The following MMP26 variants were observed in gnomAD, a reference collection of about 807,000 sequenced individuals.
MMP26 encodes matrix metalloproteinase-26.
MMP26 carries 33 observed loss-of-function variants against 31.0 expected under a neutral mutation model. The ratio of observed to expected loss-of-function variants is 1.06; its 90% CI spans 0.81 to 1.42. MMP26 has a LOEUF of 1.42. Among genes scored for constraint, MMP26 ranks in the 40% most tolerant of loss-of-function variants. The probability of loss-of-function intolerance (pLI) is 0.00; values close to 1 mark genes in which losing one functional copy is unlikely to be tolerated. For synonymous variants in MMP26, 122 were observed against 114.9 expected (o/e 1.06, Z -0.40); for missense variants, 347 against 316.1 (o/e 1.10, Z -0.74).
rs184756382 is a variant in MMP26 at position 4,774,338 on chromosome 11, A to T, written c.-145+6997A>T. Among the ~76,000 whole-genome samples the T allele has an allele frequency of 3.9e-3, 592 of 152,264 alleles. 3 individuals are homozygous for T. The highest frequency in any genetic ancestry group is 0.013 in the African/African-American group (549 of 41,540). Reference sequence around the variant, plus strand: ...GCCATTCTGACTGGTGTGAGATGGTATCTCCTTGTGGCTTTGATTTGCATT... The same window carrying T: ...GCCATTCTGACTGGTGTGAGATGGTTTCTCCTTGTGGCTTTGATTTGCATT... On this transcript the variant is annotated intron_variant, in intron 2 of 7. Transcript: ENST00000380390.
intron 2 of MMP26, among the ~76,000 whole-genome samples, chr11:4,773,946 A>G (rs1848759214): frequency 6.6e-6 from 1 of 152,120 alleles, no homozygotes; most frequent in Non-Finnish European, 1.5e-5. Flanking sequence ...AGCCTCATCC[A>G]TGTCCCTGAA....
chr11:4,824,557 A>G (rs2133475154), intron 2 of MMP26, among the ~76,000 whole-genome samples: 1 of 152,234 alleles, frequency 6.6e-6, no homozygotes, highest in Middle Eastern at 3.4e-3. Flanking sequence ...ACTTCCTCTT[A>G]CAAATGCATT....
chr11:4,883,270 G>T (rs1299785925), intron 2 of MMP26, among the ~76,000 whole-genome samples: 2 of 151,418 alleles, frequency 1.3e-5, no homozygotes, highest in Admixed American at 6.6e-5. Context: ...TATTTCCAGT[G>T]AGGCAATGAA....
At chr11:4,803,847 G>C (rs766943848) in intron 2 of MMP26, 19 of 1,612,698 alleles carry the variant, frequency 1.2e-5, no homozygotes, top group Non-Finnish European at 1.6e-5. Context: ...AGTATGACTG[G>C]GGAATGGCTT....
chr11:4,705,552 T>G (rs1847763972), intron 1 of MMP26, among the ~76,000 whole-genome samples: 1 of 152,208 alleles, frequency 6.6e-6, no homozygotes, highest in African/African-American at 2.4e-5. Context: ...GATGTTTAAG[T>G]TATAGGCTCT....
intron 2 of MMP26, among the ~76,000 whole-genome samples, chr11:4,954,274 T>G (rs527814466): frequency 1.6e-5 from 2 of 123,978 alleles, no homozygotes; most frequent in South Asian, 4.8e-4. Context: ...AAACTATCTG[T>G]TGGGTACTAT....
At chr11:4,817,987 G>T (rs752406204) in intron 2 of MMP26, among the ~76,000 whole-genome samples, 2 of 152,156 alleles carry the variant, frequency 1.3e-5, no homozygotes, top group Non-Finnish European at 2.9e-5. Context: ...TCTAAACTGG[G>T]GGACAAGAGA....
chr11:4,859,931 C>G (rs994641712), intron 2 of MMP26: 1 of 470,914 alleles, frequency 2.1e-6, no homozygotes, highest in Non-Finnish European at 4.4e-6. Context: ...AGGAGAACAT[C>G]GAGCCCCAGT....
At chr11:4,818,232 A>G (rs1417415351) in intron 2 of MMP26, among the ~76,000 whole-genome samples, 2 of 152,242 alleles carry the variant, frequency 1.3e-5, no homozygotes, top group African/African-American at 4.8e-5. Context: ...CTCAAAAATC[A>G]AAACAGTTAC....
In MMP26 at chr11:4,803,895, G is replaced by T. The variant is rs770865201; in HGVS notation, c.-145+36554G>T. The T allele has an allele frequency of 2.5e-6, 4 of 1,613,152 alleles. No individual in the cohort carries two copies. In the East Asian group the frequency reaches 6.7e-5, roughly 27 times the overall value. ...AGGGCATCCTAGACACCATGAAGCAGAAGGGGCTCACCCACAGCAGCCCTC... is the reference window on the plus strand; with the variant it reads ...AGGGCATCCTAGACACCATGAAGCATAAGGGGCTCACCCACAGCAGCCCTC... On this transcript the variant is annotated intron_variant, in intron 2 of 7. Coordinates refer to ENST00000380390, the MANE Select transcript of MMP26 (RefSeq NM_021801.5).
intron 2 of MMP26, among the ~76,000 whole-genome samples, chr11:4,868,548 C>T (rs1472776265): frequency 1.3e-5 from 2 of 152,140 alleles, no homozygotes; most frequent in Non-Finnish European, 2.9e-5. Flanking sequence ...CTACAAACCA[C>T]TGCTCAAGGA....
chr11:4,781,250 T>C (rs1257486848), intron 2 of MMP26, among the ~76,000 whole-genome samples: 1 of 152,126 alleles, frequency 6.6e-6, no homozygotes, highest in Admixed American at 6.5e-5. Context: ...CAAAAAAGGG[T>C]TAATTATTGT....
chr11:4,848,989 G>A (rs1420042132), intron 2 of MMP26: 7 of 1,614,158 alleles, frequency 4.3e-6, no homozygotes, highest in South Asian at 1.1e-5. Context: ...GACACACTAA[G>A]CAAGAAGAGG....
chr11:4,992,032 C>G lies in MMP26; in HGVS notation c.664C>G (p.Gln222Glu), dbSNP rs371700941. ...HSLGLQHSGN[Q>E]SSIMYPTYWY... is the part of the protein sequence containing the mutation. ...TTTGGGCCTGCAGCACTCTGGGAATCAGAGCTCCATAATGTACCCCACTTA... is the reference window on the plus strand; with the variant it reads ...TTTGGGCCTGCAGCACTCTGGGAATGAGAGCTCCATAATGTACCCCACTTA... Residue 222 changes from glutamine to glutamate, a missense_variant, in exon 7 of 8, where the codon CAG (glutamine) becomes GAG (glutamate). Coordinates refer to ENST00000380390, the MANE Select transcript of MMP26 (RefSeq NM_021801.5). The G allele has an allele frequency of 6.2e-6, 10 of 1,613,808 alleles. No individual in the cohort carries two copies. In the African/African-American group the frequency reaches 1.3e-4, roughly 22 times the overall value.
At chr11:4,799,639 G>A (rs558008299) in intron 2 of MMP26, among the ~76,000 whole-genome samples, 1 of 152,214 alleles carries the variant, frequency 6.6e-6, no homozygotes, top group African/African-American at 2.4e-5. Flanking sequence ...GTCCCCCAAA[G>A]TCTTAACTCA....
chr11:4,736,201 G>A (rs139694444), intron 1 of MMP26: 4 of 152,142 alleles, frequency 2.6e-5, no homozygotes, highest in East Asian at 3.9e-4. Flanking sequence ...ATGGCCCTAC[G>A]GATCTGCTTG....
intron 2 of MMP26, chr11:4,914,374 A>G: frequency 5.0e-6 from 1 of 198,340 alleles, no homozygotes; most frequent in Non-Finnish European, 1.0e-5. Flanking sequence ...GGCTATTTCC[A>G]CAATACTCAA....
chr11:4,936,445 G>A (rs1407071532), intron 2 of MMP26, among the ~76,000 whole-genome samples: 1 of 151,996 alleles, frequency 6.6e-6, no homozygotes, highest in Middle Eastern at 3.2e-3. Flanking sequence ...ATTTTTTATT[G>A]TGTCTATTTA....
chr11:4,819,061 T>C (rs1217802390), intron 2 of MMP26, among the ~76,000 whole-genome samples: 2 of 152,260 alleles, frequency 1.3e-5, no homozygotes, highest in East Asian at 3.9e-4. Flanking sequence ...AATTGGGTCA[T>C]TTTTATGAAA....
Sources: allele counts gnomAD v4.1 joint callset (sites outside exome capture counted in the v4.1 genomes callset), GRCh38; gene constraint gnomAD v4.1.1; transcripts MANE v1.5; gene names NCBI Gene and HGNC (gene_info 2026-07-23, HGNC 2026-07-21).